KCNIP1: variants seen among roughly 807,000 people sequenced by gnomAD.
KCNIP1 encodes A-type potassium channel modulatory protein KCNIP1.
In KCNIP1, 18 loss-of-function variants were observed where a neutral mutation model predicts 33.0. The observed-to-expected ratio is 0.55, with a 90% confidence interval of 0.38 to 0.81. KCNIP1 has a LOEUF of 0.81. Among genes scored for constraint, KCNIP1 ranks in the 30% least tolerant of loss-of-function variants. The pLI is 0.00. For synonymous variants in KCNIP1, 93 were observed against 98.3 expected, an observed-to-expected ratio of 0.95 and a Z score of 0.32; for missense variants, 238 against 271.6, an observed-to-expected ratio of 0.88 and a Z score of 0.87.
intron 1 of KCNIP1, among the ~76,000 whole-genome samples, chr5:170,536,667 A>G (rs1755996020): frequency 6.6e-6 from 1 of 152,188 alleles, no homozygotes; most frequent in South Asian, 2.1e-4. Flanking sequence ...CTGCAGAGAC[A>G]TTAAGGAAAG....
intron 1 of KCNIP1, among the ~76,000 whole-genome samples, chr5:170,644,216 C>A (rs546278589): frequency 6.6e-6 from 1 of 152,204 alleles, no homozygotes; most frequent in Non-Finnish European, 1.5e-5. Flanking sequence ...CACACACCTA[C>A]GTGACCTCAG....
chr5:170,600,800 G>A lies in KCNIP1; in HGVS notation c.61+96167G>A, dbSNP rs145376879. On this transcript the variant is annotated intron_variant, in intron 1 of 7. Coordinates refer to ENST00000328939, the MANE Select transcript of KCNIP1 (RefSeq NM_014592.4). ...CCACTCAGCCATGTGTTAGCTGTGC[G>A]ACCCTGGGCAAGCTAGCCCGCTGCT... 1.5e-3 allele frequency among the ~76,000 whole-genome samples: 231 copies of A among 152,330 alleles called. 4 individuals carry two copies. The East Asian group carries it at 0.016, about 10-fold the overall frequency.
chr5:170,496,392 A>C (rs1757311812), intron 1 of KCNIP1, among the ~76,000 whole-genome samples: 1 of 152,208 alleles, frequency 6.6e-6, no homozygotes, highest in South Asian at 2.1e-4. Flanking sequence ...CCGGAGTCAG[A>C]CCAGCTGAGT....
intron 1 of KCNIP1, among the ~76,000 whole-genome samples, chr5:170,455,309 C>T (rs974516469): frequency 4.0e-5 from 6 of 151,838 alleles, no homozygotes; most frequent in Non-Finnish European, 7.4e-5. Flanking sequence ...TTCCCCTTCC[C>T]CTTCTTCTTC....
intron 1 of KCNIP1, among the ~76,000 whole-genome samples, chr5:170,534,742 G>A (rs564643441): frequency 1.4e-4 from 21 of 151,862 alleles, no homozygotes; most frequent in African/African-American, 5.1e-4. Context: ...GGCTGGTCTT[G>A]AACTCCTGGG....
chr5:170,486,732 C>A (rs142456122), intron 1 of KCNIP1, among the ~76,000 whole-genome samples: 1 of 152,154 alleles, frequency 6.6e-6, no homozygotes, highest in Non-Finnish European at 1.5e-5. Context: ...GATTTGCTAT[C>A]CTGCAGGCAA....
chr5:170,719,867 C>T (rs1414715296), intron 2 of KCNIP1, among the ~76,000 whole-genome samples: 1 of 152,198 alleles, frequency 6.6e-6, no homozygotes, highest in Non-Finnish European at 1.5e-5. Context: ...GTTTTCCAGG[C>T]AGGCACTGGG....
chr5:170,684,682 C>T (rs1310266601), intron 1 of KCNIP1, among the ~76,000 whole-genome samples: 4 of 152,316 alleles, frequency 2.6e-5, no homozygotes, highest in Non-Finnish European at 4.4e-5. Flanking sequence ...CTCCCACCAG[C>T]GGGAGTTTCC....
chr5:170,417,107 T>A (rs1238949073), intron 1 of KCNIP1, among the ~76,000 whole-genome samples: 1 of 152,184 alleles, frequency 6.6e-6, no homozygotes, highest in East Asian at 1.9e-4. Context: ...GAGGGGTTAT[T>A]TAAATAAACT....
chr5:170,494,918 C>T (rs1353948523), intron 1 of KCNIP1, among the ~76,000 whole-genome samples: 1 of 152,204 alleles, frequency 6.6e-6, no homozygotes, highest in Non-Finnish European at 1.5e-5. Flanking sequence ...CTCTGAACTT[C>T]AGTTTGCTAG....
At chr5:170,637,939 G>C (rs1257211338) in intron 1 of KCNIP1, among the ~76,000 whole-genome samples, 1 of 151,626 alleles carries the variant, frequency 6.6e-6, no homozygotes, top group African/African-American at 2.4e-5. Flanking sequence ...AGATAAAGTG[G>C]TGTGGGGACT....
intron 1 of KCNIP1, among the ~76,000 whole-genome samples, chr5:170,356,349 C>G (rs1308335752): frequency 6.6e-6 from 1 of 152,144 alleles, no homozygotes; most frequent in Non-Finnish European, 1.5e-5. Flanking sequence ...TGTTCTATGG[C>G]AATTTACTGT....
chr5:170,590,994 C>T (rs1561704603), intron 1 of KCNIP1, among the ~76,000 whole-genome samples: 1 of 152,200 alleles, frequency 6.6e-6, no homozygotes, highest in African/African-American at 2.4e-5. Context: ...AGAACTTGGG[C>T]ATCTGACCAC....
At chr5:170,659,046 A>G (rs1169323424) in intron 1 of KCNIP1, among the ~76,000 whole-genome samples, 1 of 152,208 alleles carries the variant, frequency 6.6e-6, no homozygotes, top group Non-Finnish European at 1.5e-5. Flanking sequence ...TGAGACACGT[A>G]CTGAGGGACT....
chr5:170,605,981 G>A (rs955508480), intron 1 of KCNIP1, among the ~76,000 whole-genome samples: 1 of 152,032 alleles, frequency 6.6e-6, no homozygotes, highest in African/African-American at 2.4e-5. Flanking sequence ...TGCCATGTTG[G>A]CCAGGCTGGT....
At chr5:170,535,628 C>G (rs914129024) in intron 1 of KCNIP1, among the ~76,000 whole-genome samples, 1 of 152,196 alleles carries the variant, frequency 6.6e-6, no homozygotes, top group Non-Finnish European at 1.5e-5. Context: ...AATCATCACC[C>G]TCTGAAAACC....
At chr5:170,612,331 C>A (rs754521215) in intron 1 of KCNIP1, among the ~76,000 whole-genome samples, 7 of 152,232 alleles carry the variant, frequency 4.6e-5, no homozygotes, top group Non-Finnish European at 8.8e-5. Context: ...GCCTAGCAAG[C>A]TCTCAGCAGG....
chr5:170,369,457 T>A (rs1401899643), intron 1 of KCNIP1, among the ~76,000 whole-genome samples: 2 of 152,252 alleles, frequency 1.3e-5, no homozygotes, highest in East Asian at 3.8e-4. Flanking sequence ...CTAAGTAAAG[T>A]GCTACAGCTT....
intron 1 of KCNIP1, among the ~76,000 whole-genome samples, chr5:170,432,035 TC>T (rs1282300067): frequency 2.0e-5 from 3 of 147,476 alleles, no homozygotes; most frequent in Non-Finnish European, 4.5e-5. Context: ...TCTCTCTTTC[TC>T]TTTTTTTTTT....
Sources: allele counts gnomAD v4.1 joint callset (sites outside exome capture counted in the v4.1 genomes callset), GRCh38; gene constraint gnomAD v4.1.1; transcripts MANE v1.5; gene names NCBI Gene and HGNC (gene_info 2026-07-23, HGNC 2026-07-21).